The following AGAP5 variants were observed in gnomAD, a reference collection of about 807,000 sequenced individuals.
The protein encoded by AGAP5 is ArfGAP with GTPase domain, ankyrin repeat and PH domain 5, also known as arf-GAP with GTPase, ANK repeat and PH domain-containing protein 5.
AGAP5 carries 8 observed loss-of-function variants against 27.7 expected under a neutral mutation model. The observed-to-expected ratio is 0.29, with a 90% CI of 0.17 to 0.52. The LOEUF (loss-of-function observed/expected upper bound fraction) is 0.52. Ranked by LOEUF, AGAP5 falls within the 20% of genes least tolerant of loss-of-function variation. AGAP5 has a pLI of 0.97. For missense variants in AGAP5, 285 were observed against 880.8 expected (o/e 0.32, Z 8.56); for synonymous variants, 111 against 338.0 (o/e 0.33, Z 7.37).
Position 73,697,541 on chromosome 10 carries a change from A to G in AGAP5, c.215T>C (p.Met72Thr). ...ACCTATCACCTCCTTACCTTCAGGCATCTCCTGGTCACGAATGTGGTGCAT... is the reference window on the plus strand; with the variant it reads ...ACCTATCACCTCCTTACCTTCAGGCGTCTCCTGGTCACGAATGTGGTGCAT... ...LHMHHIRDQE[M>T]PEALEFSLSA... The change falls in exon 1 of 8, where the codon ATG becomes ACG. Residue 72 changes from methionine to threonine, a missense_variant. Coordinates refer to ENST00000374094, the MANE Select transcript of AGAP5 (RefSeq NM_001144000.4). 6.2e-7 allele frequency: 1 copy of G among 1,612,942 alleles called. No homozygotes were observed. Among genetic ancestry groups the G allele is most frequent in the Non-Finnish European group, 8.5e-7 (1 of 1,179,968 alleles).
chr10:73,697,623 T>TG lies in AGAP5; in HGVS notation c.132dup (p.Met45HisfsTer9). 1.2e-6 allele frequency: 2 copies of TG among 1,608,106 alleles called. 1 individual carries two copies. The highest frequency in any genetic ancestry group is 2.2e-5 in the South Asian group (2 of 91,032). On this transcript the variant is annotated frameshift_variant, in exon 1 of 8. Transcript: ENST00000374094. LOFTEE classifies it high-confidence loss of function. ...TCAGCAGGCTGCACAGCAGCAGCCA[T>TG]GGGCGCTCCTGCCATCCTGTCCCCA...
intron 5 of AGAP5, among the ~76,000 whole-genome samples, chr10:73,680,542 C>T: frequency 9.9e-6 from 1 of 101,202 alleles, no homozygotes; most frequent in Non-Finnish European, 1.9e-5. Flanking sequence ...CTCAGCCTCC[C>T]AAGAAGCTGG....
intron 4 of AGAP5, among the ~76,000 whole-genome samples, chr10:73,688,540 A>G (rs2082083405): frequency 6.6e-6 from 1 of 152,264 alleles, no homozygotes; most frequent in Non-Finnish European, 1.5e-5. Context: ...AACACTCTCA[A>G]AAAATATAAA....
At chr10:73,689,875 G>A (rs2082100761) in intron 4 of AGAP5, among the ~76,000 whole-genome samples, 1 of 145,608 alleles carries the variant, frequency 6.9e-6, no homozygotes, top group Non-Finnish European at 1.5e-5. Context: ...TCAGCCCCCC[G>A]CCCGGCCAGC....
chr10:73,693,580 T>A (rs574354662), intron 3 of AGAP5, among the ~76,000 whole-genome samples: 1 of 151,330 alleles, frequency 6.6e-6, no homozygotes, highest in South Asian at 2.1e-4. Flanking sequence ...CCACCTATAG[T>A]CCCAACTACT....
At chr10:73,686,319 T>A (rs1260354585) in intron 4 of AGAP5, among the ~76,000 whole-genome samples, 2 of 152,156 alleles carry the variant, frequency 1.3e-5, no homozygotes, top group African/African-American at 4.8e-5. Flanking sequence ...TAAACCCTAT[T>A]CAACAAATGG....
intron 4 of AGAP5, among the ~76,000 whole-genome samples, chr10:73,685,477 T>C (rs2082055538): frequency 6.6e-6 from 1 of 152,158 alleles, no homozygotes; most frequent in Admixed American, 6.5e-5. Flanking sequence ...ATGTGGTGTA[T>C]CACATTTATT....
At chr10:73,676,248 A>G (rs1367510550) in intron 7 of AGAP5, among the ~76,000 whole-genome samples, 174 bp from the exon 8 acceptor site, 1 of 137,644 alleles carries the variant, frequency 7.3e-6, no homozygotes, top group Non-Finnish European at 1.6e-5. Flanking sequence ...CGAGGTCAGG[A>G]GTTCAAGACC....
chr10:73,696,808 T>C (rs1222330166), intron 2 of AGAP5, among the ~76,000 whole-genome samples: 1 of 152,202 alleles, frequency 6.6e-6, no homozygotes, highest in Non-Finnish European at 1.5e-5. Flanking sequence ...AAGAATACCA[T>C]ATAGCCTCTC....
rs1345427524 is a variant in AGAP5, at chr10:73,697,929, G to A, written c.-174C>T. ...CATCCCTGGCCCCGGCCCCGGCCCCGGCTAGGGCTGCGGGTCAAGGCCCAC... is the reference window on the plus strand; with the variant it reads ...CATCCCTGGCCCCGGCCCCGGCCCCAGCTAGGGCTGCGGGTCAAGGCCCAC... On this transcript the variant is annotated 5_prime_UTR_variant, in exon 1 of 8. Transcript: ENST00000374094. 69 of 1,526,546 alleles carry A rather than the reference G, an allele frequency of 4.5e-5. No individual in the cohort carries two copies. The highest frequency in any genetic ancestry group is 2.3e-4 in the Middle Eastern group (1 of 4,326). The allele number at this position is 1,526,546 out of a possible 1,614,324, so 94.6% of individuals were successfully genotyped here. A position where few individuals can be genotyped will look rare whatever the true frequency, so the allele number is the denominator to read the frequency against.
At chr10:73,693,080 C>T (rs35430208) in intron 3 of AGAP5, among the ~76,000 whole-genome samples, 103,508 of 151,932 alleles carry the variant, frequency 0.68, 36,360 homozygotes, top group Middle Eastern at 0.84. Context: ...CTTTGTTTCC[C>T]ACACTGCCTC....
intron 3 of AGAP5, among the ~76,000 whole-genome samples, 197 bp from the exon 4 acceptor site, chr10:73,692,274 T>G (rs569409678): frequency 3.9e-5 from 6 of 152,122 alleles, no homozygotes; most frequent in African/African-American, 1.4e-4. Context: ...GTTTTTCATT[T>G]AGTTTACTTT....
chr10:73,688,966 CTCTGCT>C (rs1565007123), intron 4 of AGAP5, among the ~76,000 whole-genome samples: 1 of 152,036 alleles, frequency 6.6e-6, no homozygotes. Flanking sequence ...TCTCCTCTGC[CTCTGCT>C]GCCTCTGCCT....
intron 5 of AGAP5, chr10:73,681,792 A>G (rs2082026840): frequency 3.3e-6 from 2 of 611,024 alleles, no homozygotes; most frequent in African/African-American, 3.9e-5. Context: ...AAGATTTAAG[A>G]GACTTGGCTG....
At chr10:73,688,985 G>GCCACCT in intron 4 of AGAP5, among the ~76,000 whole-genome samples, 1 of 152,092 alleles carries the variant, frequency 6.6e-6, no homozygotes, top group Non-Finnish European at 1.5e-5. Context: ...CTCTGCCTCT[G>GCCACCT]CCGCCTCCGC....
At chr10:73,690,521 T>A (rs972555886) in intron 4 of AGAP5, among the ~76,000 whole-genome samples, 1 of 151,496 alleles carries the variant, frequency 6.6e-6, no homozygotes, top group Non-Finnish European at 1.5e-5. Context: ...CTTTGTTCAC[T>A]TGTTTATCTG....
intron 2 of AGAP5, among the ~76,000 whole-genome samples, chr10:73,695,235 A>G (rs2082151357): frequency 6.6e-6 from 1 of 152,206 alleles, no homozygotes; most frequent in Non-Finnish European, 1.5e-5. Context: ...TTTAAAAAGT[A>G]AATTCATCAT....
At chr10:73,694,046 G>A (rs1484744047) in intron 3 of AGAP5, among the ~76,000 whole-genome samples, 1 of 152,104 alleles carries the variant, frequency 6.6e-6, no homozygotes, top group African/African-American at 2.4e-5. Flanking sequence ...GCATTACTTC[G>A]CATATTATTA....
At chr10:73,695,625 A>T (rs1485845816) in intron 2 of AGAP5, among the ~76,000 whole-genome samples, 2 of 152,222 alleles carry the variant, frequency 1.3e-5, no homozygotes, top group African/African-American at 4.8e-5. Context: ...AGCAATCCTT[A>T]AATATCTTGA....
Sources: gnomAD v4.1 joint callset for allele counts (sites outside exome capture counted in the v4.1 genomes callset) on GRCh38, gnomAD v4.1.1 for gene constraint, MANE v1.5 for transcripts, NCBI Gene and HGNC (gene_info 2026-07-23, HGNC 2026-07-21) for gene names.